DOT1L: variants seen among roughly 807,000 people sequenced by gnomAD.
DOT1L encodes the protein histone-lysine N-methyltransferase, H3 lysine-79 specific.
Under a neutral mutation model 153.3 loss-of-function variants are expected in DOT1L, and 33 were observed. The observed-to-expected ratio is 0.22, with a 90% CI of 0.16 to 0.29. DOT1L has a LOEUF of 0.29. Among genes scored for constraint, DOT1L ranks in the 10% least tolerant of loss-of-function variants. The pLI is 1.00. For synonymous variants in DOT1L, 1,135 were observed against 965.1 expected, an observed-to-expected ratio of 1.18 and a Z score of -3.26; for missense variants, 1,847 against 2,119.9, an observed-to-expected ratio of 0.87 and a Z score of 2.53.
At chr19:2,176,135 C>T (rs905023468) in intron 1 of DOT1L, among the ~76,000 whole-genome samples, 3 of 152,174 alleles carry the variant, frequency 2.0e-5, no homozygotes, top group African/African-American at 7.2e-5. Context: ...CCCTGCACAC[C>T]CACCCACCAT....
At chr19:2,175,002 A>AT (rs1568328625) in intron 1 of DOT1L, among the ~76,000 whole-genome samples, 1 of 88,238 alleles carries the variant, frequency 1.1e-5, no homozygotes, top group African/African-American at 6.4e-5. Context: ...GTGTATATAT[A>AT]TATTTTTTTT....
Position 2,226,206 on chromosome 19 carries a change from C to G in DOT1L, c.3685C>G (p.Pro1229Ala). The part of the protein sequence containing the change: ...ENGGGLAGRK[P>A]APAGEPVNSS... ...AGGTGGTGGCTTGGCGGGAAGGAAG[C>G]CCGCGCCCGCCGGCGAGCCAGTCAA... The change falls in exon 27 of 28, where the codon CCC becomes GCC. Residue 1229 changes from proline (P) to alanine (A), a missense_variant. By Grantham distance (27) the Pro-to-Ala change is conservative. Coordinates refer to ENST00000398665, the MANE Select transcript of DOT1L (RefSeq NM_032482.3). 1 of 1,522,490 alleles carries G rather than the reference C, an allele frequency of 6.6e-7. No individual in the cohort carries two copies. Among genetic ancestry groups the G allele is most frequent in the Non-Finnish European group, 8.8e-7 (1 of 1,133,208 alleles). The allele number at this position is 1,522,490 out of a possible 1,614,324, so 94.3% of individuals were successfully genotyped here. A position where few individuals can be genotyped will look rare whatever the true frequency, so the allele number is the denominator to read the frequency against.
chr19:2,198,080 A>G (rs1471247843), intron 7 of DOT1L, among the ~76,000 whole-genome samples: 1 of 151,992 alleles, frequency 6.6e-6, no homozygotes, highest in East Asian at 1.9e-4. Context: ...TTGCATATAA[A>G]CCACGGTGTT....
rs144142127 is a variant in DOT1L, at chr19:2,166,153, A to G, written c.81+1888A>G. Reference sequence around the variant, plus strand: ...CTCTTGTTGCCCAGGCTGGAGTGCAATGGTGCGATCTCGGCTCACTGAAAC... The same window carrying G: ...CTCTTGTTGCCCAGGCTGGAGTGCAGTGGTGCGATCTCGGCTCACTGAAAC... On this transcript the variant is annotated intron_variant, in intron 1 of 27. Transcript: ENST00000398665. 8.8e-3 allele frequency among the ~76,000 whole-genome samples: 1,261 copies of G among 142,944 alleles called. 13 individuals are homozygous for G. Among genetic ancestry groups the G allele is most frequent in the African/African-American group, 0.029 (1,109 of 38,330 alleles). 93.8% of individuals were successfully genotyped at this position (142,944 alleles called of 152,430 possible). A position where few individuals can be genotyped will look rare whatever the true frequency, so the allele number is the denominator to read the frequency against.
In DOT1L at chr19:2,230,065, T is replaced by A. The variant is rs370639355; in HGVS notation, c.*273T>A. The A allele has an allele frequency of 4.8e-5, 29 of 599,814 alleles. No homozygotes were observed. Among genetic ancestry groups the A allele is most frequent in the East Asian group, 3.1e-4 (11 of 35,144 alleles). The allele number at this position is 599,814 out of a possible 1,614,324, so 37.2% of individuals were successfully genotyped here. A position where few individuals can be genotyped will look rare whatever the true frequency, so the allele number is the denominator to read the frequency against. ...TCCATCTAAGTGGTAAAAGGCAACT[T>A]ATTGAGAAATATAAATATCTATATA... On this transcript the variant is annotated 3_prime_UTR_variant, in exon 28 of 28. Coordinates refer to ENST00000398665, the MANE Select transcript of DOT1L (RefSeq NM_032482.3).
chr19:2,166,015 C>T (rs2019904904), intron 1 of DOT1L, among the ~76,000 whole-genome samples: 1 of 152,062 alleles, frequency 6.6e-6, no homozygotes, highest in Non-Finnish European at 1.5e-5. Flanking sequence ...CGTGATCCAC[C>T]CACCTCGGCC....
At position 2,221,996 on chromosome 19, in the gene DOT1L, G is replaced by T; in HGVS notation, c.2827G>T (p.Val943Leu). 6.2e-7 allele frequency: 1 copy of T among 1,609,736 alleles called. No individual in the cohort carries two copies. Residue 943 changes from valine (V) to leucine (L), a missense_variant, in exon 24 of 28, where the codon GTG becomes TTG. Transcript: ENST00000398665. ...APAGFSYAGS[V>L]AISGALAGSP... is the part of the protein sequence containing the mutation. ...GGCAGGCTTCTCCTACGCTGGCTCG[G>T]TGGCCATCAGCGGGGCCTTGGCGGG... is the stretch of plus-strand genomic sequence containing the variant.
chr19:2,209,359 A>G (rs1052680606), intron 12 of DOT1L, among the ~76,000 whole-genome samples: 3 of 151,922 alleles, frequency 2.0e-5, no homozygotes, highest in Non-Finnish European at 4.4e-5. Flanking sequence ...CCCCTTGTTA[A>G]TACTTATTTT....
At position 2,165,340 on chromosome 19, in the gene DOT1L, G is replaced by T. The variant is rs1311986054; in HGVS notation, c.81+1075G>T. Among the ~76,000 whole-genome samples, 3 of 152,288 alleles carry T rather than the reference G, an allele frequency of 2.0e-5. No individual in the cohort carries two copies. In the East Asian group the frequency reaches 5.8e-4, roughly 29 times the overall value. On this transcript the variant is annotated intron_variant, in intron 1 of 27. Coordinates refer to ENST00000398665, the MANE Select transcript of DOT1L (RefSeq NM_032482.3). Reference sequence around the variant, plus strand: ...ACGTGCTCGCTGGGGGCGGGGTCAGGACGCGGAGAGCGCTGGGGAGCCCGG... The same window carrying T: ...ACGTGCTCGCTGGGGGCGGGGTCAGTACGCGGAGAGCGCTGGGGAGCCCGG...
Position 2,217,937 on chromosome 19 carries a change from G to A in DOT1L, c.2691+19G>A, listed in dbSNP as rs2023965617. Reference sequence around the variant, plus strand: ...GAGGGCGGTGAGTGGCTCCCAGGTGGCTGTCCCCAAGGGCCACGTTGAGGC... The same window carrying A: ...GAGGGCGGTGAGTGGCTCCCAGGTGACTGTCCCCAAGGGCCACGTTGAGGC... On this transcript the variant is annotated intron_variant, in intron 22 of 27. Transcript: ENST00000398665. The surrounding 1 kb of genome is among the most constrained non-coding windows in gnomAD (Gnocchi z 7.3). The A allele has an allele frequency of 6.2e-7, 1 of 1,607,940 alleles. No homozygotes were observed. The highest frequency in any genetic ancestry group is 8.5e-7 in the Non-Finnish European group (1 of 1,178,826).
intron 1 of DOT1L, among the ~76,000 whole-genome samples, chr19:2,170,027 G>T (rs902375322): frequency 6.6e-6 from 1 of 152,102 alleles, no homozygotes; most frequent in African/African-American, 2.4e-5. Flanking sequence ...CGTGGTGGCG[G>T]TTGCCTATAA....
At position 2,207,928 on chromosome 19, in the gene DOT1L, C is replaced by A. The variant is rs771804406; in HGVS notation, c.963+248C>A. Among the ~76,000 whole-genome samples the A allele has an allele frequency of 1.1e-4, 17 of 152,116 alleles. No individual in the cohort carries two copies. The highest frequency in any genetic ancestry group is 3.1e-4 in the African/African-American group (13 of 41,430). On this transcript the variant is annotated intron_variant, in intron 11 of 27. Transcript: ENST00000398665. This position sits in a 1 kb window ranked among gnomAD's most constrained non-coding sequence, Gnocchi z 4.5. ...AGGGCTGAGTGCTGTCTCCCCTAGT[C>A]TACGCTCAGCTCCTGGGGTGGGGCG...
intron 27 of DOT1L, chr19:2,227,906 C>G (rs1250934497): frequency 4.1e-6 from 5 of 1,228,692 alleles, no homozygotes; most frequent in Non-Finnish European, 5.2e-6. Context: ...CCCGGCCGCC[C>G]CCTCCGCCTC....
chr19:2,199,412 C>T (rs978768857), intron 7 of DOT1L, among the ~76,000 whole-genome samples: 8 of 152,372 alleles, frequency 5.3e-5, no homozygotes, highest in Middle Eastern at 3.4e-3. Context: ...CGCTGCCTGC[C>T]GCAGAGGGTG....
rs753649340 is a variant in DOT1L at position 2,207,713 on chromosome 19, C to A, written c.963+33C>A. The A allele has an allele frequency of 5.1e-6, 8 of 1,565,192 alleles. No individual in the cohort carries two copies. The African/African-American group carries it at 9.5e-5, about 19-fold the overall frequency. ...TCTCGCTGCGCCTCAGCCGCAGGGC[C>A]GTCCTGGTCTTCCACCCCGCCCACG... is the stretch of plus-strand genomic sequence containing the variant. On this transcript the variant is annotated intron_variant, in intron 11 of 27. Transcript: ENST00000398665. This position sits in a 1 kb window ranked among gnomAD's most constrained non-coding sequence, Gnocchi z 4.5.
In DOT1L at chr19:2,214,581, C is replaced by G. The variant is rs761256297; in HGVS notation, c.1908C>G (p.His636Gln). The change falls in exon 19 of 28, where the codon CAC becomes CAG. Residue 636 changes from histidine to glutamine, a missense_variant. Around this residue, in one of 8 missense-constraint regions of DOT1L, gnomAD observed 156 missense variants for 235.7 expected, o/e 0.66. Coordinates refer to ENST00000398665, the MANE Select transcript of DOT1L (RefSeq NM_032482.3). ...GCCAGATCTCGGAGAAGCAGAGGCACTGCCTGGAGCTGCAGGTGGGCTGCG... is the reference window on the plus strand; with the variant it reads ...GCCAGATCTCGGAGAAGCAGAGGCAGTGCCTGGAGCTGCAGGTGGGCTGCG... ...LKSQISEKQR[H>Q]CLELQISIVE... The G allele has an allele frequency of 6.2e-7, 1 of 1,612,874 alleles. No individual in the cohort carries two copies. Among genetic ancestry groups the G allele is most frequent in the Non-Finnish European group, 8.5e-7 (1 of 1,179,794 alleles).
rs2024352767 is a variant in DOT1L, at chr19:2,226,772, G to A, written c.4251G>A (p.Glu1417=). 1.9e-6 allele frequency: 3 copies of A among 1,571,520 alleles called. No individual in the cohort carries two copies. Among genetic ancestry groups the A allele is most frequent in the Non-Finnish European group, 2.6e-6 (3 of 1,164,882 alleles). ...AGGCCGCCAAGGCCCGGGACCGCGA[G>A]GTCGACCTCAAGAATGGCCACAACC... ...SGKAAKARDR[E]VDLKNGHNLF... The change falls in exon 27 of 28, where the codon GAG becomes GAA. Residue 1417 remains glutamate (E), a synonymous_variant. Coordinates refer to ENST00000398665, the MANE Select transcript of DOT1L (RefSeq NM_032482.3).
intron 8 of DOT1L, among the ~76,000 whole-genome samples, chr19:2,201,428 C>T (rs1003544776): frequency 2.6e-5 from 4 of 152,258 alleles, no homozygotes; most frequent in African/African-American, 9.6e-5. Flanking sequence ...CTCCTGCTGT[C>T]TTCCCTGTGC....
chr19:2,167,404 A>G (rs1599522741), intron 1 of DOT1L, among the ~76,000 whole-genome samples: 1 of 152,194 alleles, frequency 6.6e-6, no homozygotes, highest in East Asian at 1.9e-4. Context: ...CCCCGCCCGC[A>G]TGCCTGCTGC....
Sources: gnomAD v4.1 joint callset for allele counts (sites outside exome capture counted in the v4.1 genomes callset) on GRCh38, gnomAD v4.1.1 for gene constraint, gnomAD v4.1.1 regional missense constraint, Gnocchi (gnomAD v3.1) non-coding constraint, MANE v1.5 for transcripts, NCBI Gene and HGNC (gene_info 2026-07-23, HGNC 2026-07-21) for gene names.